Variants in PRSS3 observed in about 807,000 individuals in gnomAD.
The protein encoded by PRSS3 is serine protease 3.
In PRSS3, 14 loss-of-function variants were observed where a neutral mutation model predicts 20.8. The ratio of observed to expected loss-of-function variants is 0.67; its 90% CI spans 0.44 to 1.05. PRSS3 has a LOEUF of 1.05. Ranked by LOEUF, PRSS3 falls within the 50% of genes least tolerant of loss-of-function variation. PRSS3 has a pLI of 0.00. For synonymous variants in PRSS3, 91 were observed against 117.6 expected (o/e 0.77, Z 1.46); for missense variants, 237 against 306.4 (o/e 0.77, Z 1.69).
At chr9:33,780,232 C>T (rs528491023) in intron 1 of PRSS3, among the ~76,000 whole-genome samples, 8 of 152,196 alleles carry the variant, frequency 5.3e-5, no homozygotes, top group Non-Finnish European at 1.2e-4. Flanking sequence ...CAGCAGAAAA[C>T]TTATACGCCA....
At chr9:33,761,766 C>T (rs1823218533) in intron 1 of PRSS3, among the ~76,000 whole-genome samples, 1 of 152,084 alleles carries the variant, frequency 6.6e-6, no homozygotes, top group South Asian at 2.1e-4. Context: ...GTAGTCCCAG[C>T]TACTCAGGAA....
intron 1 of PRSS3, among the ~76,000 whole-genome samples, chr9:33,782,634 G>A (rs755708933): frequency 1.3e-5 from 2 of 152,070 alleles, no homozygotes; most frequent in African/African-American, 4.8e-5. Context: ...CAAAAGGACA[G>A]ACAAATAGAA....
At chr9:33,756,041 C>T (rs1000596411) in intron 1 of PRSS3, among the ~76,000 whole-genome samples, 3 of 152,082 alleles carry the variant, frequency 2.0e-5, no homozygotes, top group African/African-American at 7.2e-5. Flanking sequence ...TAATTTTACG[C>T]CTTTTTCTTA....
At chr9:33,790,220 C>T (rs979878180) in intron 1 of PRSS3, among the ~76,000 whole-genome samples, 11 of 152,152 alleles carry the variant, frequency 7.2e-5, no homozygotes, top group African/African-American at 9.6e-5. Context: ...AAGTCAAAAT[C>T]GTTCAGTTTA....
upstream of PRSS3, among the ~76,000 whole-genome samples, chr9:33,793,299 T>C (rs1433640125): frequency 3.3e-5 from 5 of 152,234 alleles, no homozygotes; most frequent in African/African-American, 1.2e-4. Flanking sequence ...CTACAGTTGC[T>C]ACAGCAAGAG....
chr9:33,750,767 A>G lies in PRSS3; in HGVS notation c.-53+40A>G. 2.1e-6 allele frequency: 3 copies of G among 1,410,086 alleles called. No individual in the cohort carries two copies. The highest frequency in any genetic ancestry group is 9.2e-7 in the Non-Finnish European group (1 of 1,086,520). The allele number at this position is 1,410,086 out of a possible 1,614,324, so 87.3% of individuals were successfully genotyped here. A position where few individuals can be genotyped will look rare whatever the true frequency, so the allele number is the denominator to read the frequency against. On this transcript the variant is annotated intron_variant, in intron 1 of 5. Transcript: ENST00000342836. The surrounding 1 kb of genome is among the most constrained non-coding windows in gnomAD (Gnocchi z 4.8). The stretch of plus-strand genomic sequence containing the variant: ...CCCGCAGGGGGCTTGAAACTGGAGG[A>G]GGGCTCGAAGGGAGAGGGAGCCCCG...
chr9:33,798,857 C>T (rs1013991791), intron 4 of PRSS3, 171 bp from the exon 5 acceptor site: 3 of 1,057,576 alleles, frequency 2.8e-6, no homozygotes, highest in African/African-American at 1.6e-5. Context: ...ATGAGGGAGG[C>T]TCCCTTGTGC....
chr9:33,794,730 A>C, upstream of PRSS3: 1 of 1,540,082 alleles, frequency 6.5e-7, no homozygotes, highest in Admixed American at 2.0e-5. Context: ...GTCAGTTTGC[A>C]TCACCCTAAG....
chr9:33,756,538 A>C (rs1407228337), intron 1 of PRSS3, among the ~76,000 whole-genome samples: 1 of 152,158 alleles, frequency 6.6e-6, no homozygotes, highest in Non-Finnish European at 1.5e-5. Context: ...CTTAGACTGA[A>C]TCTGAAAATG....
intron 1 of PRSS3, among the ~76,000 whole-genome samples, chr9:33,785,054 G>T (rs1029827436): frequency 6.6e-6 from 1 of 150,848 alleles, no homozygotes; most frequent in Non-Finnish European, 1.5e-5. Context: ...CAGAGTAAGT[G>T]CTCAAAAACT....
At position 33,798,077 on chromosome 9, in the gene PRSS3, T is replaced by G; in HGVS notation, c.449T>G (p.Phe150Cys). Reference sequence around the variant, plus strand: ...TCCGGCTGGGGCAACACTCTGAGCTTTGGTGGTGAGTGGGACCCTTTGTCC... The same window carrying G: ...TCCGGCTGGGGCAACACTCTGAGCTGTGGTGGTGAGTGGGACCCTTTGTCC... ...LISGWGNTLS[F>C]GADYPDELKC... Residue 150 changes from phenylalanine to cysteine, a missense_variant, in exon 3 of 5, where the codon TTT (phenylalanine) becomes TGT (cysteine). Transcript: ENST00000379405. The G allele has an allele frequency of 6.8e-7, 1 of 1,468,670 alleles. No homozygotes were observed. The highest frequency in any genetic ancestry group is 1.1e-5 in the South Asian group (1 of 87,170). The allele number at this position is 1,468,670 out of a possible 1,614,324, so 91.0% of individuals were successfully genotyped here. A position where few individuals can be genotyped will look rare whatever the true frequency, so the allele number is the denominator to read the frequency against.
At chr9:33,793,304 CA>C (rs1368929876), upstream of PRSS3, among the ~76,000 whole-genome samples, 2 of 152,208 alleles carry the variant, frequency 1.3e-5, no homozygotes, top group East Asian at 3.8e-4. Context: ...GTTGCTACAG[CA>C]AGAGCCTTTC....
chr9:33,751,544 A>G (rs1327152408), intron 1 of PRSS3, among the ~76,000 whole-genome samples: 1 of 152,230 alleles, frequency 6.6e-6, no homozygotes, highest in Non-Finnish European at 1.5e-5. Flanking sequence ...ATTTGAGGGC[A>G]GGTAGCTCTC....
chr9:33,785,160 A>ATT lies in PRSS3; in HGVS notation c.-52-9552_-52-9551dup, dbSNP rs74180504. Among the ~76,000 whole-genome samples, 326 of 72,474 alleles carry ATT rather than the reference A, an allele frequency of 4.5e-3. 40 individuals are homozygous for ATT. The highest frequency in any genetic ancestry group is 0.015 in the African/African-American group (198 of 13,308). The allele number at this position is 72,474 out of a possible 152,430, so 47.5% of individuals were successfully genotyped here. A position where few individuals can be genotyped will look rare whatever the true frequency, so the allele number is the denominator to read the frequency against. ...GAAAAAGATCATAGCATTGTGGTCA[A>ATT]TTTTTTTTTTTTTTTTTTTTTTTTT... On this transcript the variant is annotated intron_variant, in intron 1 of 5. Coordinates refer to the PRSS3 transcript ENST00000342836.
intron 4 of PRSS3, 135 bp downstream of exon 4, chr9:33,798,757 G>C: frequency 7.0e-7 from 1 of 1,431,456 alleles, no homozygotes; most frequent in South Asian, 1.3e-5. Context: ...GGAAGGTGGC[G>C]GGGCTGAGGC....
At chr9:33,791,412 A>G (rs1824624770), upstream of PRSS3, among the ~76,000 whole-genome samples, 1 of 152,252 alleles carries the variant, frequency 6.6e-6, no homozygotes, top group African/African-American at 2.4e-5. Context: ...GCTGCCTTCC[A>G]AATGGATGAC....
At chr9:33,776,347 GAA>G (rs1563961842) in intron 1 of PRSS3, among the ~76,000 whole-genome samples, 1 of 151,926 alleles carries the variant, frequency 6.6e-6, no homozygotes. Flanking sequence ...AAAAGGGAGA[GAA>G]AAAAATATTG....
At chr9:33,797,396 C>G (rs1289561429) in intron 2 of PRSS3, among the ~76,000 whole-genome samples, 1 of 152,260 alleles carries the variant, frequency 6.6e-6, no homozygotes, top group Non-Finnish European at 1.5e-5. Context: ...TATGGCTACC[C>G]TTGGATTAGA....
chr9:33,791,011 T>G (rs1352608930), upstream of PRSS3, among the ~76,000 whole-genome samples: 1 of 152,258 alleles, frequency 6.6e-6, no homozygotes. Context: ...TTTTTTATTC[T>G]TGTTTCAAAT....
Sources: gnomAD v4.1 joint callset for allele counts (sites outside exome capture counted in the v4.1 genomes callset) on GRCh38, gnomAD v4.1.1 for gene constraint, Gnocchi (gnomAD v3.1) non-coding constraint, MANE v1.5 for transcripts, NCBI Gene and HGNC (gene_info 2026-07-23, HGNC 2026-07-21) for gene names.